ABCA13: variants seen among roughly 807,000 people sequenced by gnomAD.
The protein encoded by ABCA13 is ATP binding cassette subfamily A member 13.
Under a neutral mutation model 478.7 loss-of-function variants are expected in ABCA13, and 476 were observed. The observed-to-expected ratio is 0.99, with a 90% CI of 0.92 to 1.07. The LOEUF (loss-of-function observed/expected upper bound fraction) is 1.07, where lower values mean the gene tolerates loss of function less well. ABCA13 is among the 50% of genes least tolerant of loss of function. The pLI is 0.00. For missense variants in ABCA13, 6,060 were observed against 5,910.6 expected (o/e 1.03, Z -0.83); for synonymous variants, 2,252 against 2,158.9 (o/e 1.04, Z -1.20).
At chr7:48,374,471 T>A (rs1248874999) in intron 34 of ABCA13, 55 bp downstream of exon 34, 12 of 1,459,710 alleles carry the variant, frequency 8.2e-6, no homozygotes, top group Non-Finnish European at 1.1e-5. Flanking sequence ...TTTTGGAAAT[T>A]AATAGTTATA....
chr7:48,276,139 T>A lies in ABCA13; in HGVS notation c.6473T>A (p.Ile2158Lys). 1.3e-6 allele frequency: 2 copies of A among 1,596,494 alleles called. No homozygotes were observed. Among genetic ancestry groups the A allele is most frequent in the Non-Finnish European group, 8.5e-7 (1 of 1,170,990 alleles). Residue 2158 changes from isoleucine (I) to lysine (K), a missense_variant, in exon 17 of 62, where the codon ATA (isoleucine) becomes AAA (lysine). Physicochemically the swap from Ile to Lys is moderately radical, Grantham distance 102 (BLOSUM62 -3). Coordinates refer to ENST00000435803, the MANE Select transcript of ABCA13 (RefSeq NM_152701.5). ...PVTNESSTEDIALLAKAIATF... is the reference protein window; with the variant it reads ...PVTNESSTEDKALLAKAIATF... Reference sequence around the variant, plus strand: ...ACCAATGAGAGTTCAACTGAAGATATAGCTTTGTTAGCCAAAGCTATTGCT... The same window carrying A: ...ACCAATGAGAGTTCAACTGAAGATAAAGCTTTGTTAGCCAAAGCTATTGCT...
intron 38 of ABCA13, among the ~76,000 whole-genome samples, chr7:48,400,990 A>T (rs527730177): frequency 1.3e-5 from 2 of 152,358 alleles, no homozygotes; most frequent in South Asian, 4.1e-4. Flanking sequence ...GAGACACTTA[A>T]CAGGTACATA....
intron 10 of ABCA13, chr7:48,243,176 G>A (rs1170819772): frequency 6.6e-6 from 1 of 152,310 alleles, no homozygotes; most frequent in Non-Finnish European, 1.5e-5. Flanking sequence ...TCTGTTCACA[G>A]ATGTGGGGGG....
Position 48,586,275 on chromosome 7 carries a change from A to T in ABCA13, c.14506-879A>T, listed in dbSNP as rs534187277. ...CAGTTGCAAATAAGAAATATTTCCC[A>T]TTCTCCTCCCCATCTCTAGTTACTT... On this transcript the variant is annotated intron_variant, in intron 56 of 61. Coordinates refer to ENST00000435803, the MANE Select transcript of ABCA13 (RefSeq NM_152701.5). Among the ~76,000 whole-genome samples the T allele has an allele frequency of 2.4e-4, 36 of 152,244 alleles. No homozygotes were observed. In the South Asian group the frequency reaches 6.4e-3, roughly 27 times the overall value.
chr7:48,394,381 C>T (rs192731845), intron 38 of ABCA13, among the ~76,000 whole-genome samples: 2 of 152,148 alleles, frequency 1.3e-5, no homozygotes, highest in African/African-American at 2.4e-5. Context: ...TCGCTGCGTT[C>T]GTGTTGTGAT....
In ABCA13 at chr7:48,227,362, C is replaced by G; in HGVS notation, c.569C>G (p.Thr190Arg). 6.2e-7 allele frequency: 1 copy of G among 1,613,954 alleles called. No homozygotes were observed. The highest frequency in any genetic ancestry group is 1.1e-5 in the South Asian group (1 of 91,088). Reference protein sequence around the residue: ...DFLLLLPRLHTSHDHVEDGMD... With the variant: ...DFLLLLPRLHRSHDHVEDGMD... Reference sequence around the variant, plus strand: ...CTACTTTTACTGCCGAGACTACACACAAGCCATGATCATGTGGAAGATGGC... The same window carrying G: ...CTACTTTTACTGCCGAGACTACACAGAAGCCATGATCATGTGGAAGATGGC... The change falls in exon 6 of 62, where the codon ACA (threonine) becomes AGA (arginine). Residue 190 changes from threonine to arginine, a missense_variant. Physicochemically the swap from Thr to Arg is moderately conservative, Grantham distance 71 (BLOSUM62 -1). Coordinates refer to ENST00000435803, the MANE Select transcript of ABCA13 (RefSeq NM_152701.5).
rs1817916505 is a variant in ABCA13, at chr7:48,403,784, G to A, written c.11975G>A (p.Gly3992Asp). The change falls in exon 39 of 62, where the codon GGC (glycine) becomes GAC (aspartate). Residue 3992 changes from glycine (G) to aspartate (D), a missense_variant. Physicochemically the swap from Gly to Asp is moderately conservative, Grantham distance 94 (BLOSUM62 -1). Around this residue, in one of 3 missense-constraint regions of ABCA13, gnomAD observed 1,627 missense variants for 1,571.0 expected, o/e 1.04. Coordinates refer to ENST00000435803, the MANE Select transcript of ABCA13 (RefSeq NM_152701.5). ...CTCTCCCTTGGCATTGCTTTCATGG[G>A]CATGTCGAGGACCGTGGTTCTGGAT... ...RKLSLGIAFM[G>D]MSRTVVLDEP... is the part of the protein sequence containing the mutation. The A allele has an allele frequency of 1.9e-6, 3 of 1,613,938 alleles. No homozygotes were observed. Among genetic ancestry groups the A allele is most frequent in the East Asian group, 4.5e-5 (2 of 44,876 alleles).
At chr7:48,326,218 C>T (rs1029870111) in intron 27 of ABCA13, among the ~76,000 whole-genome samples, 13 of 152,136 alleles carry the variant, frequency 8.5e-5, no homozygotes, top group African/African-American at 3.1e-4. Flanking sequence ...AAGAGAAAAT[C>T]CCTCTTCCTT....
chr7:48,253,359 C>G (rs1584455671), intron 15 of ABCA13, among the ~76,000 whole-genome samples: 1 of 152,142 alleles, frequency 6.6e-6, no homozygotes, highest in East Asian at 1.9e-4. Flanking sequence ...CTATTTTTTC[C>G]CTTGTATACT....
At chr7:48,644,432 A>C (rs1188126311) in intron 60 of ABCA13, among the ~76,000 whole-genome samples, 185 bp from the exon 61 acceptor site, 2 of 152,192 alleles carry the variant, frequency 1.3e-5, no homozygotes, top group Non-Finnish European at 2.9e-5. Context: ...ACTCAGTTGA[A>C]CGTTGTTTGT....
At chr7:48,327,325 A>G (rs542760690) in intron 27 of ABCA13, among the ~76,000 whole-genome samples, 2 of 152,350 alleles carry the variant, frequency 1.3e-5, no homozygotes, top group East Asian at 3.9e-4. Context: ...CTTACTCACT[A>G]TCACAAGAAT....
chr7:48,267,579 G>T (rs1217259174), intron 15 of ABCA13, among the ~76,000 whole-genome samples: 4 of 151,942 alleles, frequency 2.6e-5, no homozygotes, highest in Non-Finnish European at 5.9e-5. Context: ...TACAAATTTT[G>T]CCTTTTTTTG....
At chr7:48,482,908 A>G (rs765416297) in intron 46 of ABCA13, among the ~76,000 whole-genome samples, 168 bp from the exon 47 acceptor site, 1 of 152,228 alleles carries the variant, frequency 6.6e-6, no homozygotes, top group Non-Finnish European at 1.5e-5. Flanking sequence ...GGAAACTTGC[A>G]TCAGCACAGC....
intron 3 of ABCA13, among the ~76,000 whole-genome samples, chr7:48,201,818 C>G (rs1798765883): frequency 1.3e-5 from 2 of 152,242 alleles, no homozygotes; most frequent in African/African-American, 4.8e-5. Flanking sequence ...AAGAATGAAG[C>G]CGCAGACCCT....
chr7:48,274,189 C>T lies in ABCA13; in HGVS notation c.4523C>T (p.Thr1508Ile). Residue 1508 changes from threonine (T) to isoleucine (I), a missense_variant, in exon 17 of 62, where the codon ACA becomes ATA. Physicochemically the swap from Thr to Ile is moderately conservative, Grantham distance 89 (BLOSUM62 -1). Coordinates refer to ENST00000435803, the MANE Select transcript of ABCA13 (RefSeq NM_152701.5). Reference protein sequence around the residue: ...KQVRMSINNLTTDFDFASQSN... With the variant: ...KQVRMSINNLITDFDFASQSN... The stretch of plus-strand genomic sequence containing the variant: ...GTAAGGATGAGTATCAACAACTTAA[C>T]AACAGACTTTGATTTTGCATCTCAG... 4 of 1,612,124 alleles carry T rather than the reference C, an allele frequency of 2.5e-6. No individual in the cohort carries two copies. Among genetic ancestry groups the T allele is most frequent in the Non-Finnish European group, 2.5e-6 (3 of 1,178,856 alleles).
intron 58 of ABCA13, among the ~76,000 whole-genome samples, chr7:48,608,251 G>T (rs1229763812): frequency 6.6e-6 from 1 of 152,206 alleles, no homozygotes; most frequent in African/African-American, 2.4e-5. Context: ...GTGAGTGACT[G>T]GGCACAAGTT....
At chr7:48,220,710 T>C (rs1787239207) in intron 4 of ABCA13, among the ~76,000 whole-genome samples, 1 of 152,218 alleles carries the variant, frequency 6.6e-6, no homozygotes, top group South Asian at 2.1e-4. Context: ...GGAGTTCTTA[T>C]ATTACACTCT....
chr7:48,611,254 C>T (rs974249516), intron 58 of ABCA13, among the ~76,000 whole-genome samples: 8 of 152,160 alleles, frequency 5.3e-5, no homozygotes, highest in African/African-American at 1.9e-4. Flanking sequence ...GTATCACTAT[C>T]AGCATTTTGG....
rs1415669583 is a variant in ABCA13 at position 48,338,457 on chromosome 7, T to C, written c.10204+2T>C. The C allele has an allele frequency of 6.3e-7, 1 of 1,584,108 alleles. No homozygotes were observed. The highest frequency in any genetic ancestry group is 2.3e-5 in the East Asian group (1 of 43,502). ...TTACTGAAAAACTCCAGACATACGGTAAGTGTGCTGATGGGCATGGTAGTG... is the reference window on the plus strand; with the variant it reads ...TTACTGAAAAACTCCAGACATACGGCAAGTGTGCTGATGGGCATGGTAGTG... On this transcript the variant is annotated splice_donor_variant, in intron 29 of 61. Coordinates refer to ENST00000435803, the MANE Select transcript of ABCA13 (RefSeq NM_152701.5). LOFTEE classifies it high-confidence loss of function.
Sources: gnomAD v4.1 joint callset for allele counts (sites outside exome capture counted in the v4.1 genomes callset) on GRCh38, gnomAD v4.1.1 for gene constraint, gnomAD v4.1.1 regional missense constraint, MANE v1.5 for transcripts, NCBI Gene and HGNC (gene_info 2026-07-23, HGNC 2026-07-21) for gene names.